The following LMX1A variants were observed in gnomAD, a reference collection of about 807,000 sequenced individuals.
The protein encoded by LMX1A is LIM homeobox transcription factor 1 alpha.
In LMX1A, 15 loss-of-function variants were observed where a neutral mutation model predicts 49.1. The ratio of observed to expected loss-of-function variants is 0.31; its 90% CI spans 0.20 to 0.47. LMX1A has a LOEUF of 0.47. Ranked by LOEUF, LMX1A falls within the 20% of genes least tolerant of loss-of-function variation. LMX1A has a pLI of 1.00. For missense variants in LMX1A, 372 were observed against 475.8 expected (o/e 0.78, Z 2.03); for synonymous variants, 167 against 185.7 (o/e 0.90, Z 0.82).
intron 4 of LMX1A, 90 bp downstream of exon 4, chr1:165,249,318 G>C (rs1652966604): frequency 8.1e-6 from 7 of 865,854 alleles, no homozygotes; most frequent in Non-Finnish European, 1.2e-5. Context: ...TGCCCTGGAG[G>C]CTGGCCATCT....
intron 3 of LMX1A, among the ~76,000 whole-genome samples, chr1:165,255,303 C>T (rs554290528): frequency 6.6e-6 from 1 of 152,364 alleles, no homozygotes; most frequent in African/African-American, 2.4e-5. Context: ...CTCTCACTCT[C>T]TCTTTTCCAC....
intron 3 of LMX1A, among the ~76,000 whole-genome samples, chr1:165,318,983 C>CCTCTCT (rs137990365): frequency 0.045 from 6,175 of 135,762 alleles, 190 homozygotes; most frequent in African/African-American, 0.057. Flanking sequence ...GCTGAGATCT[C>CCTCTCT]CTCTCTCTCT....
chr1:165,235,416 ACACACACT>A (rs1430952755), intron 4 of LMX1A, among the ~76,000 whole-genome samples: 2 of 134,088 alleles, frequency 1.5e-5, no homozygotes, highest in Non-Finnish European at 3.4e-5. Flanking sequence ...GGACACACAC[ACACACACT>A]CACACTCACA....
intron 3 of LMX1A, among the ~76,000 whole-genome samples, chr1:165,282,159 TG>T (rs762006736): frequency 2.0e-4 from 30 of 152,340 alleles, no homozygotes; most frequent in Non-Finnish European, 4.0e-4. Context: ...TTCAGCCTCA[TG>T]GTTTTCAATA....
At chr1:165,277,946 C>G (rs186381157) in intron 3 of LMX1A, among the ~76,000 whole-genome samples, 2 of 152,288 alleles carry the variant, frequency 1.3e-5, no homozygotes, top group African/African-American at 4.8e-5. Context: ...TTTATGTGAA[C>G]TTTTGAGAAT....
At position 165,275,962 on chromosome 1, in the gene LMX1A, G is replaced by A. The variant is rs756267860; in HGVS notation, c.264-26322C>T. Among the ~76,000 whole-genome samples, 61 of 151,664 alleles carry A rather than the reference G, an allele frequency of 4.0e-4. 1 individual carries two copies. Among genetic ancestry groups the A allele is most frequent in the Non-Finnish European group, 7.5e-4 (51 of 67,952 alleles). On this transcript the variant is annotated intron_variant, in intron 3 of 8. Coordinates refer to ENST00000342310, the MANE Select transcript of LMX1A (RefSeq NM_177398.4). The stretch of plus-strand genomic sequence containing the variant: ...CAGACTGGGGCTAGGCAAGGAGATG[G>A]CCACAACTGTGTTTGGGAATGTCGC...
At chr1:165,224,410 C>A (rs1297437084) in intron 4 of LMX1A, among the ~76,000 whole-genome samples, 2 of 152,172 alleles carry the variant, frequency 1.3e-5, no homozygotes, top group African/African-American at 4.8e-5. Flanking sequence ...GCAGCCCCAT[C>A]TATAAAATGG....
At position 165,210,869 on chromosome 1, in the gene LMX1A, CTG is replaced by C. The variant is rs758225808; in HGVS notation, c.670-95_670-94del. 3.6e-4 allele frequency: 269 copies of C among 756,784 alleles called. 1 individual carries two copies. The highest frequency in any genetic ancestry group is 7.1e-4 in the South Asian group (34 of 48,126). 46.9% of individuals were successfully genotyped at this position (756,784 alleles called of 1,614,324 possible). A position where few individuals can be genotyped will look rare whatever the true frequency, so the allele number is the denominator to read the frequency against. On this transcript the variant is annotated intron_variant, in intron 5 of 8. Transcript: ENST00000342310. ...TATAATACTTGAGGAGGCCAAAAGA[CTG>C]TATCTGCTTTAGGAGCTGAATAGTT... is the stretch of plus-strand genomic sequence containing the variant.
chr1:165,249,926 T>C (rs1652996113), intron 3 of LMX1A, among the ~76,000 whole-genome samples: 1 of 152,170 alleles, frequency 6.6e-6, no homozygotes, highest in South Asian at 2.1e-4. Flanking sequence ...TCATGTCCTT[T>C]TCAGGCACAT....
At chr1:165,316,894 C>T (rs997775831) in intron 3 of LMX1A, among the ~76,000 whole-genome samples, 3 of 152,178 alleles carry the variant, frequency 2.0e-5, no homozygotes, top group East Asian at 3.8e-4. Context: ...AGGATTGAGG[C>T]TTCCCTTCCC....
chr1:165,329,137 T>G (rs1470970142), intron 3 of LMX1A, among the ~76,000 whole-genome samples: 1 of 152,152 alleles, frequency 6.6e-6, no homozygotes, highest in East Asian at 1.9e-4. Flanking sequence ...GAAACAGGTA[T>G]GTCTTACATG....
rs1436561749 is a variant in LMX1A at position 165,353,233 on chromosome 1, C to T, written c.106G>A (p.Glu36Lys). 10 of 1,613,112 alleles carry T rather than the reference C, an allele frequency of 6.2e-6. No individual in the cohort carries two copies. Among genetic ancestry groups the T allele is most frequent in the Non-Finnish European group, 8.5e-6 (10 of 1,179,990 alleles). The change falls in exon 3 of 9, where the codon GAG (glutamate) becomes AAG (lysine). Residue 36 changes from glutamate to lysine, a missense_variant. Glu to Lys is a moderately conservative substitution (Grantham distance 56, BLOSUM62 1). Transcript: ENST00000342310. Reference sequence around the variant, plus strand: ...TCCAAGATGACCCGCTGACAGCCCTCGCAGACAGACTTGGGGCTCACCGCT... The same window carrying T: ...TCCAAGATGACCCGCTGACAGCCCTTGCAGACAGACTTGGGGCTCACCGCT... ...GRAVSPKSVC[E>K]GCQRVILDRF... is the part of the protein sequence containing the mutation.
chr1:165,245,374 A>T (rs1421952097), intron 4 of LMX1A, among the ~76,000 whole-genome samples: 1 of 152,058 alleles, frequency 6.6e-6, no homozygotes, highest in African/African-American at 2.4e-5. Context: ...ATCCAGTTTG[A>T]CCCTTTATCA....
rs182503703 is a variant in LMX1A, at chr1:165,248,353, G to C, written c.496+1055C>G. 6.2e-4 allele frequency among the ~76,000 whole-genome samples: 94 copies of C among 152,286 alleles called. 1 individual carries two copies. The East Asian group carries it at 0.016, about 25-fold the overall frequency. Reference sequence around the variant, plus strand: ...AGGGATGGATAGAGTGAGGTTACAGGGGGCTTGGAAATGGACTAGAATTGG... The same window carrying C: ...AGGGATGGATAGAGTGAGGTTACAGCGGGCTTGGAAATGGACTAGAATTGG... On this transcript the variant is annotated intron_variant, in intron 4 of 8. Coordinates refer to ENST00000342310, the MANE Select transcript of LMX1A (RefSeq NM_177398.4).
At chr1:165,328,569 A>C (rs1412196771) in intron 3 of LMX1A, among the ~76,000 whole-genome samples, 4 of 152,348 alleles carry the variant, frequency 2.6e-5, no homozygotes, top group Admixed American at 2.0e-4. Flanking sequence ...GATGGCTGGC[A>C]TCCTGCTGGA....
chr1:165,354,958 G>A (rs1382699660), intron 2 of LMX1A, among the ~76,000 whole-genome samples: 2 of 152,136 alleles, frequency 1.3e-5, no homozygotes, highest in Non-Finnish European at 2.9e-5. Context: ...TAATTAACGC[G>A]GAGCCTAGGG....
chr1:165,249,295 C>T (rs1195720416), intron 4 of LMX1A, 113 bp downstream of exon 4: 1 of 690,932 alleles, frequency 1.4e-6, no homozygotes, highest in East Asian at 2.6e-5. Context: ...ACTGCCTTGC[C>T]ATGGAGCTAG....
In LMX1A at chr1:165,353,310, C is replaced by T. The variant is rs950186995; in HGVS notation, c.77-48G>A. ...CGGGTGAGCAGCCCGGGCAGGTAGA[C>T]CATGCCAAACCTGGCCGGGACCCGC... is the stretch of plus-strand genomic sequence containing the variant. On this transcript the variant is annotated intron_variant, in intron 2 of 8. Transcript: ENST00000342310. 6 of 1,518,012 alleles carry T rather than the reference C, an allele frequency of 4.0e-6. No homozygotes were observed. The African/African-American group carries it at 5.4e-5, about 14-fold the overall frequency. 94.0% of individuals were successfully genotyped at this position (1,518,012 alleles called of 1,614,324 possible). A position where few individuals can be genotyped will look rare whatever the true frequency, so the allele number is the denominator to read the frequency against.
At chr1:165,239,734 A>G (rs1422928691) in intron 4 of LMX1A, among the ~76,000 whole-genome samples, 1 of 152,238 alleles carries the variant, frequency 6.6e-6, no homozygotes, top group Non-Finnish European at 1.5e-5. Flanking sequence ...TGTACTAGTC[A>G]TGATATAAAT....
Sources: allele counts gnomAD v4.1 joint callset (sites outside exome capture counted in the v4.1 genomes callset), GRCh38; gene constraint gnomAD v4.1.1; transcripts MANE v1.5; gene names NCBI Gene and HGNC (gene_info 2026-07-23, HGNC 2026-07-21).